TKT: variants seen among roughly 807,000 people sequenced by gnomAD.
TKT encodes the protein epididymis luminal protein 107.
Under a neutral mutation model 63.9 loss-of-function variants are expected in TKT, and 47 were observed. The ratio of observed to expected loss-of-function variants is 0.74; its 90% CI spans 0.58 to 0.94. TKT has a LOEUF of 0.94. Among genes scored for constraint, TKT ranks in the 40% least tolerant of loss-of-function variants. TKT has a pLI of 0.00. For synonymous variants in TKT, 338 were observed against 334.1 expected (o/e 1.01, Z -0.13); for missense variants, 721 against 846.2 (o/e 0.85, Z 1.84).
chr3:53,248,554 G>A (rs78203959), intron 1 of TKT, among the ~76,000 whole-genome samples: 1,568 of 152,194 alleles, frequency 0.01, 21 homozygotes, highest in African/African-American at 0.036. Flanking sequence ...GCTTGATCCC[G>A]GGAGGTTGAG....
intron 4 of TKT, chr3:53,237,869 G>A (rs1326801194): frequency 6.6e-6 from 1 of 152,126 alleles, no homozygotes; most frequent in African/African-American, 2.4e-5. Context: ...AGGTTGCAGT[G>A]GGCCGAGATC....
In TKT at chr3:53,231,378, G is replaced by C. The variant is rs1553676959; in HGVS notation, c.921C>G (p.Pro307=). 1 of 1,613,506 alleles carries C rather than the reference G, an allele frequency of 6.2e-7. No individual in the cohort carries two copies. The highest frequency in any genetic ancestry group is 8.5e-7 in the Non-Finnish European group (1 of 1,180,008). Reference sequence around the variant, plus strand: ...GTACCTTGTCCCCAACTTTGTAGCTGGGCAGGCTGGGCATGCGGATGTTGG... The same window carrying C: ...GTACCTTGTCCCCAACTTTGTAGCTCGGCAGGCTGGGCATGCGGATGTTGG... ...DIANIRMPSL[P]SYKVGDKIAT... is the part of the protein sequence containing the mutation. Residue 307 remains proline, a synonymous_variant, in exon 7 of 14, where the codon CCC becomes CCG. Coordinates refer to ENST00000462138, the MANE Select transcript of TKT (RefSeq NM_001064.4).
intron 6 of TKT, chr3:53,231,934 TACTC>T (rs1356004151): frequency 4.5e-5 from 12 of 264,136 alleles, no homozygotes; most frequent in African/African-American, 2.6e-4. Flanking sequence ...GCTGCAGAAA[TACTC>T]AGTTTGTCGA....
At chr3:53,229,579 T>C (rs1427265954) in intron 8 of TKT, 143 bp from the exon 9 acceptor site, 1 of 983,496 alleles carries the variant, frequency 1.0e-6, no homozygotes, top group African/African-American at 1.6e-5. Context: ...CCCCACCACC[T>C]TCTTCTGCAG....
At chr3:53,226,019 G>C in intron 13 of TKT, 88 bp from the exon 14 acceptor site, 1 of 1,343,826 alleles carries the variant, frequency 7.4e-7, no homozygotes, top group African/African-American at 1.5e-5. Flanking sequence ...GTCAAGGATG[G>C]AGGAGGCTGC....
intron 6 of TKT, chr3:53,231,868 C>T (rs1257526276): frequency 5.4e-6 from 2 of 371,472 alleles, no homozygotes; most frequent in East Asian, 4.6e-5. Context: ...CCAATGTGTC[C>T]ATTCTCTTCC....
chr3:53,228,032 A>C (rs373541266), intron 12 of TKT, 24 bp downstream of exon 12: 1 of 1,608,966 alleles, frequency 6.2e-7, no homozygotes, highest in South Asian at 1.1e-5. Flanking sequence ...TCAGTTGATG[A>C]CTTTGGAGGC....
chr3:53,229,882 T>G (rs1302113094), intron 8 of TKT, among the ~76,000 whole-genome samples: 1 of 152,002 alleles, frequency 6.6e-6, no homozygotes, highest in Non-Finnish European at 1.5e-5. Flanking sequence ...GAGAGGAAGC[T>G]CCCTGTCCCT....
chr3:53,247,968 T>C (rs1181148049), intron 1 of TKT, among the ~76,000 whole-genome samples: 3 of 152,176 alleles, frequency 2.0e-5, no homozygotes, highest in African/African-American at 7.2e-5. Context: ...CACTGTTGTA[T>C]CCACAGGCTT....
At chr3:53,231,259 C>A in intron 7 of TKT, 98 bp downstream of exon 7, 1 of 1,384,114 alleles carries the variant, frequency 7.2e-7, no homozygotes, top group Admixed American at 2.0e-5. Context: ...AAATGAATCG[C>A]TCTCCTCCCT....
intron 1 of TKT, among the ~76,000 whole-genome samples, chr3:53,252,565 C>T (rs1705797722): frequency 6.6e-6 from 1 of 152,006 alleles, no homozygotes; most frequent in South Asian, 2.1e-4. Context: ...AGTGAGCTTC[C>T]CTCTCCAAGA....
At chr3:53,232,964 A>G in intron 6 of TKT, 192 bp downstream of exon 6, 2 of 576,732 alleles carry the variant, frequency 3.5e-6, no homozygotes, top group South Asian at 4.3e-5. Flanking sequence ...CAGAGGCCAG[A>G]CGGATCTGAG....
chr3:53,230,578 C>T lies in TKT; in HGVS notation c.986G>A (p.Gly329Asp). 4.3e-6 allele frequency: 7 copies of T among 1,614,234 alleles called. No individual in the cohort carries two copies. The highest frequency in any genetic ancestry group is 5.9e-6 in the Non-Finnish European group (7 of 1,180,050). ...GGCGATGATGCGGTCACTGGCATGG[C>T]CCAGCTTGGCCAGTGCCTGCCCGTA... ...KAYGQALAKL[G>D]HASDRIIALD... Residue 329 changes from glycine to aspartate, a missense_variant, in exon 8 of 14, where the codon GGC becomes GAC. Physicochemically the swap from Gly to Asp is moderately conservative, Grantham distance 94. Transcript: ENST00000462138.
At chr3:53,231,671 C>A in intron 6 of TKT, 121 bp from the exon 7 acceptor site, 4 of 1,104,310 alleles carry the variant, frequency 3.6e-6, no homozygotes, top group Non-Finnish European at 5.1e-6. Context: ...TGGCATCATC[C>A]CAGACAGGCA....
intron 12 of TKT, 69 bp from the exon 13 acceptor site, chr3:53,226,947 T>C: frequency 6.5e-7 from 1 of 1,532,634 alleles, no homozygotes; most frequent in East Asian, 2.3e-5. Flanking sequence ...GGTGGGGGCC[T>C]GGTGGGACAT....
intron 8 of TKT, 101 bp from the exon 9 acceptor site, chr3:53,229,537 T>G: frequency 7.7e-7 from 1 of 1,299,486 alleles, no homozygotes; most frequent in South Asian, 1.3e-5. Flanking sequence ...TGTATATAGA[T>G]TGTCCATCCT....
At chr3:53,243,325 G>A (rs1559655959) in intron 1 of TKT, among the ~76,000 whole-genome samples, 1 of 152,006 alleles carries the variant, frequency 6.6e-6, no homozygotes. Context: ...CCCTCCACAT[G>A]CAGCTCAGCT....
intron 1 of TKT, among the ~76,000 whole-genome samples, chr3:53,243,388 G>A (rs940308196): frequency 2.0e-5 from 3 of 151,928 alleles, no homozygotes; most frequent in Non-Finnish European, 2.9e-5. Context: ...ACGAAGACAC[G>A]CCGCATGCCA....
chr3:53,240,411 G>C, intron 3 of TKT, 63 bp from the exon 4 acceptor site: 1 of 1,508,736 alleles, frequency 6.6e-7, no homozygotes, highest in Non-Finnish European at 9.1e-7. Flanking sequence ...CACCCGCCTA[G>C]GGAGCCACAC....
Sources: gnomAD v4.1 joint callset for allele counts (sites outside exome capture counted in the v4.1 genomes callset) on GRCh38, gnomAD v4.1.1 for gene constraint, MANE v1.5 for transcripts, NCBI Gene and HGNC (gene_info 2026-07-23, HGNC 2026-07-21) for gene names.